The following IL1RAPL1 variants were observed in gnomAD, a reference collection of about 807,000 sequenced individuals.
IL1RAPL1 encodes interleukin-1 receptor accessory protein-like 1.
In IL1RAPL1, 3 loss-of-function variants were observed where a neutral mutation model predicts 48.4. That is an observed-to-expected ratio of 0.06 (90% CI 0.03 to 0.16). The LOEUF (loss-of-function observed/expected upper bound fraction) is 0.16, where lower values mean the gene tolerates loss of function less well. Among genes scored for constraint, IL1RAPL1 ranks in the 10% least tolerant of loss-of-function variants. The pLI is 1.00. For missense variants in IL1RAPL1, 349 were observed against 530.6 expected (o/e 0.66, Z 3.36); for synonymous variants, 185 against 187.7 (o/e 0.99, Z 0.12).
intron 5 of IL1RAPL1, among the ~76,000 whole-genome samples, chrX:29,520,377 A>G (rs758093321): frequency 2.7e-5 from 3 of 111,907 alleles, no homozygotes; most frequent in Non-Finnish European, 5.6e-5. Flanking sequence ...CAAATTTATG[A>G]TTTTGAGTTC....
chrX:29,282,798 A>T, intron 2 of IL1RAPL1, 140 bp from the exon 3 acceptor site: 2 of 581,250 alleles, frequency 3.4e-6, no homozygotes, highest in Non-Finnish European at 2.8e-6. Context: ...ATTCATTGCT[A>T]TGTGCTCTGT....
At chrX:29,807,023 G>A (rs1930271951) in intron 6 of IL1RAPL1, among the ~76,000 whole-genome samples, 2 of 110,906 alleles carry the variant, frequency 1.8e-5, no homozygotes, top group African/African-American at 6.6e-5. Flanking sequence ...CATGCATACT[G>A]TATAGCCTTC....
intron 2 of IL1RAPL1, among the ~76,000 whole-genome samples, chrX:29,240,305 G>A (rs1345748810): frequency 1.8e-4 from 15 of 85,328 alleles, no homozygotes; most frequent in Non-Finnish European, 2.5e-4. Flanking sequence ...CATGATCTCC[G>A]CTCACTGCAA....
intron 8 of IL1RAPL1, among the ~76,000 whole-genome samples, chrX:29,938,685 C>T (rs1384616373): frequency 1.8e-5 from 2 of 112,469 alleles, no homozygotes; most frequent in East Asian, 5.6e-4. Flanking sequence ...GTATCCACAC[C>T]ATAAACCTAT....
At chrX:28,649,757 G>A (rs57985433) in intron 1 of IL1RAPL1, among the ~76,000 whole-genome samples, 11,629 of 111,853 alleles carry the variant, frequency 0.1, 650 homozygotes, top group African/African-American at 0.22. Context: ...TCACTTCAGG[G>A]TGATGGGAGA....
intron 6 of IL1RAPL1, among the ~76,000 whole-genome samples, chrX:29,914,379 C>T (rs778962411): frequency 1.8e-5 from 2 of 111,558 alleles, no homozygotes; most frequent in South Asian, 3.8e-4. Context: ...GGAGGTCAAT[C>T]GGCCTCTCTG....
chrX:28,731,422 C>T (rs1461354879), intron 1 of IL1RAPL1, among the ~76,000 whole-genome samples: 1 of 111,641 alleles, frequency 9.0e-6, no homozygotes, highest in East Asian at 2.8e-4. Flanking sequence ...GATAACTTCT[C>T]CCCACTTTGA....
Position 29,941,636 on chromosome X carries a change from G to T in IL1RAPL1, c.1058-15G>T, listed in dbSNP as rs764421741. On this transcript the variant is annotated splice_polypyrimidine_tract_variant and intron_variant, in intron 8 of 10. Coordinates refer to ENST00000378993, the MANE Select transcript of IL1RAPL1 (RefSeq NM_014271.4). ...GAATACCATATAATTCCCCATTGTG[G>T]TTTTTTCTTTCTAGAGCTAATGTAC... 2.8e-5 allele frequency: 34 copies of T among 1,205,413 alleles called. No homozygotes were observed. The Admixed American group carries it at 3.1e-4, about 11-fold the overall frequency.
chrX:29,389,490 T>A (rs955879944), intron 3 of IL1RAPL1, among the ~76,000 whole-genome samples: 6 of 111,341 alleles, frequency 5.4e-5, no homozygotes, highest in Non-Finnish European at 1.1e-4. Context: ...GACATGGTTT[T>A]TACTTCTTCT....
intron 3 of IL1RAPL1, among the ~76,000 whole-genome samples, chrX:29,373,971 G>T (rs1933583337): frequency 1.1e-5 from 1 of 93,407 alleles, no homozygotes; most frequent in African/African-American, 4.1e-5. Flanking sequence ...GCTTCCCAAA[G>T]TCCCGTGATA....
chrX:29,174,256 T>C (rs16988466), intron 2 of IL1RAPL1, among the ~76,000 whole-genome samples: 1 of 111,267 alleles, frequency 9.0e-6, no homozygotes, highest in Non-Finnish European at 1.9e-5. Flanking sequence ...TGACAGTGTA[T>C]TGATATGAGA....
In IL1RAPL1 at chrX:29,619,894, T is replaced by C. The variant is rs993843440; in HGVS notation, c.704-48536T>C. 7.1e-5 allele frequency among the ~76,000 whole-genome samples: 8 copies of C among 111,928 alleles called. No individual in the cohort carries two copies. In the East Asian group the frequency reaches 1.9e-3, roughly 27 times the overall value. ...CAGGAAAAAAGGCTTCATATTGATA[T>C]TATTTTGTACAATTTTTTGGACAAT... is the stretch of plus-strand genomic sequence containing the variant. On this transcript the variant is annotated intron_variant, in intron 5 of 10. Coordinates refer to ENST00000378993, the MANE Select transcript of IL1RAPL1 (RefSeq NM_014271.4).
At chrX:29,433,393 T>G (rs191131887) in intron 5 of IL1RAPL1, among the ~76,000 whole-genome samples, 17 of 111,158 alleles carry the variant, frequency 1.5e-4, no homozygotes, top group African/African-American at 4.9e-4. Flanking sequence ...ATAATTTATT[T>G]AACCAATTTC....
chrX:29,104,319 A>G (rs765539017), intron 2 of IL1RAPL1, among the ~76,000 whole-genome samples: 2 of 112,188 alleles, frequency 1.8e-5, no homozygotes, highest in Admixed American at 1.9e-4. Flanking sequence ...ATCTTTTGCA[A>G]CAACATAGAT....
chrX:29,335,122 C>T (rs1386755062), intron 3 of IL1RAPL1, among the ~76,000 whole-genome samples: 1 of 110,607 alleles, frequency 9.0e-6, no homozygotes, highest in African/African-American at 3.3e-5. Context: ...AAAAAAAAAA[C>T]GAAAACCAGT....
intron 2 of IL1RAPL1, among the ~76,000 whole-genome samples, chrX:29,138,955 T>A (rs144879394): frequency 0.011 from 1,208 of 111,561 alleles, 16 homozygotes; most frequent in African/African-American, 0.037. Context: ...AGAGGTGCTG[T>A]TTAAACACAA....
At chrX:28,671,605 G>A (rs1934947293) in intron 1 of IL1RAPL1, among the ~76,000 whole-genome samples, 1 of 112,110 alleles carries the variant, frequency 8.9e-6, no homozygotes, top group Non-Finnish European at 1.9e-5. Context: ...CATCTGGTTA[G>A]CAAAGAAATT....
At position 29,899,287 on chromosome X, in the gene IL1RAPL1, T is replaced by TA. The variant is rs1932452030; in HGVS notation, c.779-18176dup. Among the ~76,000 whole-genome samples, 3 of 111,274 alleles carry TA rather than the reference T, an allele frequency of 2.7e-5. No individual in the cohort carries two copies. The South Asian group carries it at 1.1e-3, about 42-fold the overall frequency. ...AGAGCTTCTCAAGAGATCACACGTT[T>TA]AGAGACAATTCAAATACTTTTAAAC... On this transcript the variant is annotated intron_variant, in intron 6 of 10. Transcript: ENST00000378993.
At chrX:29,374,003 G>A (rs1438926187) in intron 3 of IL1RAPL1, among the ~76,000 whole-genome samples, 1 of 102,602 alleles carries the variant, frequency 9.7e-6, no homozygotes, top group African/African-American at 3.5e-5. Flanking sequence ...CACAATGCCT[G>A]GCTGTTTTTA....
Sources: gnomAD v4.1 joint callset for allele counts (sites outside exome capture counted in the v4.1 genomes callset) on GRCh38, gnomAD v4.1.1 for gene constraint, MANE v1.5 for transcripts, NCBI Gene and HGNC (gene_info 2026-07-23, HGNC 2026-07-21) for gene names.